Variants in TMEM117 observed in about 807,000 individuals in gnomAD.
TMEM117 encodes transmembrane protein 117.
TMEM117 carries 27 observed loss-of-function variants against 52.4 expected under a neutral mutation model. The observed-to-expected ratio is 0.51, with a 90% CI of 0.38 to 0.71. The LOEUF (loss-of-function observed/expected upper bound fraction) is 0.71, where lower values mean the gene tolerates loss of function less well. Ranked by LOEUF, TMEM117 falls within the 30% of genes least tolerant of loss-of-function variation. The pLI is 0.00. For synonymous variants in TMEM117, 215 were observed against 206.3 expected (o/e 1.04, Z -0.36); for missense variants, 556 against 630.5 (o/e 0.88, Z 1.26).
intron 3 of TMEM117, among the ~76,000 whole-genome samples, chr12:44,092,948 A>G (rs1947698638): frequency 6.6e-6 from 1 of 152,158 alleles, no homozygotes; most frequent in Non-Finnish European, 1.5e-5. Context: ...AATTGACTTG[A>G]CCTAGTTTGG....
At chr12:44,060,720 G>A (rs926735294) in intron 3 of TMEM117, among the ~76,000 whole-genome samples, 6 of 152,164 alleles carry the variant, frequency 3.9e-5, no homozygotes, top group African/African-American at 1.4e-4. Flanking sequence ...AAGCATGGGA[G>A]GAAGGTTAGA....
At chr12:43,868,987 T>A (rs1943658515) in intron 2 of TMEM117, among the ~76,000 whole-genome samples, 1 of 152,032 alleles carries the variant, frequency 6.6e-6, no homozygotes, top group African/African-American at 2.4e-5. Context: ...AAACACAAAT[T>A]ACCAATGTCA....
chr12:43,825,913 G>C, the TMEM117 span, among the ~76,000 whole-genome samples: 1 of 152,152 alleles, frequency 6.6e-6, no homozygotes, highest in Non-Finnish European at 1.5e-5. Flanking sequence ...TCTTATTTCA[G>C]CCCTAGTTTC....
intron 2 of TMEM117, among the ~76,000 whole-genome samples, chr12:43,898,739 G>C (rs570427646): frequency 2.0e-5 from 3 of 152,282 alleles, no homozygotes; most frequent in Admixed American, 6.5e-5. Flanking sequence ...TACTGTAATA[G>C]GGTGCTTCTC....
At chr12:44,393,191 A>G (rs1217327815), downstream of TMEM117, among the ~76,000 whole-genome samples, 3 of 152,148 alleles carry the variant, frequency 2.0e-5, no homozygotes, top group Non-Finnish European at 1.5e-5. Flanking sequence ...TTATATATCT[A>G]CCTCCAACAT....
chr12:44,162,884 A>AT (rs1244963204), intron 4 of TMEM117, among the ~76,000 whole-genome samples: 2 of 152,186 alleles, frequency 1.3e-5, no homozygotes, highest in Non-Finnish European at 2.9e-5. Context: ...TTTTCAAGTG[A>AT]TTTTTGCTCC....
intron 3 of TMEM117, among the ~76,000 whole-genome samples, chr12:44,049,706 T>G (rs1946939330): frequency 6.6e-6 from 1 of 152,204 alleles, no homozygotes; most frequent in Non-Finnish European, 1.5e-5. Flanking sequence ...ATCTTTTATC[T>G]AAAATTTTAA....
chr12:44,348,290 A>G (rs1025043606), intron 6 of TMEM117, among the ~76,000 whole-genome samples: 1 of 151,270 alleles, frequency 6.6e-6, no homozygotes, highest in Middle Eastern at 3.2e-3. Flanking sequence ...AGAGAGAGCT[A>G]TAGAGAAATA....
At chr12:44,257,893 T>TA (rs1950278009) in intron 5 of TMEM117, among the ~76,000 whole-genome samples, 1 of 152,156 alleles carries the variant, frequency 6.6e-6, no homozygotes, top group Admixed American at 6.6e-5. Flanking sequence ...ATTTTTGACA[T>TA]AATCTTTCTG....
chr12:43,926,480 T>A (rs1026235245), intron 2 of TMEM117, among the ~76,000 whole-genome samples: 1 of 152,230 alleles, frequency 6.6e-6, no homozygotes. Context: ...CAGATTTAAA[T>A]TCACATTAGT....
At chr12:44,179,488 A>T (rs1297106926) in intron 4 of TMEM117, among the ~76,000 whole-genome samples, 1 of 152,232 alleles carries the variant, frequency 6.6e-6, no homozygotes, top group Non-Finnish European at 1.5e-5. Context: ...TCTGATGTCG[A>T]AGACCAGGAA....
intron 5 of TMEM117, among the ~76,000 whole-genome samples, chr12:44,259,728 A>T (rs1950299681): frequency 6.6e-6 from 1 of 152,192 alleles, no homozygotes; most frequent in Admixed American, 6.6e-5. Flanking sequence ...CCATATTAAA[A>T]ATAGAATTAC....
At chr12:44,160,364 A>T (rs1948882985) in intron 4 of TMEM117, among the ~76,000 whole-genome samples, 1 of 152,198 alleles carries the variant, frequency 6.6e-6, no homozygotes, top group African/African-American at 2.4e-5. Context: ...AAGATAAGTG[A>T]CAAAAGGAAA....
the TMEM117 span, among the ~76,000 whole-genome samples, chr12:43,817,573 C>T: frequency 2.6e-5 from 4 of 152,240 alleles, no homozygotes; most frequent in Non-Finnish European, 4.4e-5. Context: ...AGTGGACTTA[C>T]AAGGAACTAC....
chr12:44,090,442 ATTTATTTATTTT>A (rs1388957008), intron 3 of TMEM117, among the ~76,000 whole-genome samples: 1 of 141,390 alleles, frequency 7.1e-6, no homozygotes, highest in Non-Finnish European at 1.5e-5. Context: ...TTATTTATTT[ATTTATTTATTTT>A]GAGACTGAGT....
At chr12:44,312,465 A>G (rs1951002768) in intron 6 of TMEM117, among the ~76,000 whole-genome samples, 1 of 152,148 alleles carries the variant, frequency 6.6e-6, no homozygotes, top group Admixed American at 6.5e-5. Context: ...GCTGTGTAAT[A>G]TTCCAGGGTG....
At chr12:44,085,528 A>G (rs1263462734) in intron 3 of TMEM117, among the ~76,000 whole-genome samples, 2 of 152,238 alleles carry the variant, frequency 1.3e-5, no homozygotes, top group Non-Finnish European at 2.9e-5. Flanking sequence ...CTGAGAACAC[A>G]TGCAAAAGCA....
chr12:43,919,968 T>C (rs561988661), intron 2 of TMEM117, among the ~76,000 whole-genome samples: 1 of 152,010 alleles, frequency 6.6e-6, no homozygotes, highest in African/African-American at 2.4e-5. Flanking sequence ...TCACTCATGA[T>C]ATTTTCATCT....
At chr12:44,159,783 T>A (rs972217650) in intron 4 of TMEM117, among the ~76,000 whole-genome samples, 1 of 152,220 alleles carries the variant, frequency 6.6e-6, no homozygotes, top group Non-Finnish European at 1.5e-5. Flanking sequence ...TTTGTAACTT[T>A]GTTGAAAACA....
Sources: gnomAD v4.1 joint callset for allele counts (sites outside exome capture counted in the v4.1 genomes callset) on GRCh38, gnomAD v4.1.1 for gene constraint, MANE v1.5 for transcripts, NCBI Gene and HGNC (gene_info 2026-07-23, HGNC 2026-07-21) for gene names.